Variants in ERCC6 observed in about 807,000 individuals in gnomAD.
ERCC6 encodes DNA excision repair protein ERCC-6.
In ERCC6, 116 loss-of-function variants were observed where a neutral mutation model predicts 158.7. The observed-to-expected ratio is 0.73, with a 90% CI of 0.63 to 0.85. The LOEUF (loss-of-function observed/expected upper bound fraction) is 0.85, where lower values mean the gene tolerates loss of function less well. Ranked by LOEUF, ERCC6 falls within the 40% of genes least tolerant of loss-of-function variation. ERCC6 has a pLI of 0.00. For synonymous variants in ERCC6, 678 were observed against 659.3 expected (o/e 1.03, Z -0.43); for missense variants, 1,698 against 1,799.4 (o/e 0.94, Z 1.02).
Position 49,483,424 on chromosome 10 carries a change from A to C in ERCC6, c.1914T>G (p.Tyr638Ter). The C allele has an allele frequency of 6.2e-7, 1 of 1,614,186 alleles. No homozygotes were observed. The highest frequency in any genetic ancestry group is 8.5e-7 in the Non-Finnish European group (1 of 1,180,004). ...IRLMQDDISR[Y>*]DWHYVILDEG... ...CGTCCAAGATCACATAGTGCCAGTC[A>C]TACCTGCTAATGTCATCCTGCATCA... Residue 638 changes from tyrosine to a stop codon, truncating the protein, a stop_gained, in exon 9 of 21, where the codon TAT becomes TAG. Coordinates refer to ENST00000355832, the MANE Select transcript of ERCC6 (RefSeq NM_000124.4). LOFTEE classifies it high-confidence loss of function.
chr10:49,532,954 T>C lies in ERCC6; in HGVS notation c.11A>G (p.Glu4Gly). 6.2e-7 allele frequency: 1 copy of C among 1,614,214 alleles called. No individual in the cohort carries two copies. The highest frequency in any genetic ancestry group is 8.5e-7 in the Non-Finnish European group (1 of 1,180,042). Reference protein sequence around the residue: MPNEGIPHSSQTQE... With the variant: MPNGGIPHSSQTQE... ...AGTTTGACTTGAGTGGGGGATTCCC[T>C]CATTTGGCATTCTCTACAGACTACC... The change falls in exon 2 of 21, where the codon GAG becomes GGG. Residue 4 changes from glutamate to glycine, a missense_variant. Physicochemically the swap from Glu to Gly is moderately conservative, Grantham distance 98. Coordinates refer to ENST00000355832, the MANE Select transcript of ERCC6 (RefSeq NM_000124.4).
At chr10:49,474,384 T>G (rs1481907093) in intron 12 of ERCC6, 142 bp from the exon 13 acceptor site, 1 of 682,756 alleles carries the variant, frequency 1.5e-6, no homozygotes, top group Non-Finnish European at 2.6e-6. Flanking sequence ...GTCACAGCAT[T>G]ATCATGAGCT....
chr10:49,508,017 T>C (rs1851473572), intron 5 of ERCC6, among the ~76,000 whole-genome samples: 1 of 151,912 alleles, frequency 6.6e-6, no homozygotes, highest in African/African-American at 2.4e-5. Context: ...CACTCTGAAA[T>C]TCAGCAGTCG....
intron 16 of ERCC6, among the ~76,000 whole-genome samples, chr10:49,471,951 T>C (rs1292372521): frequency 1.3e-5 from 2 of 152,206 alleles, no homozygotes; most frequent in Non-Finnish European, 2.9e-5. Flanking sequence ...GACTTCTTTG[T>C]AAGGGGCATC....
In ERCC6 at chr10:49,516,930, G is replaced by A. The variant is rs756554927; in HGVS notation, c.1397+7103C>T. The A allele has an allele frequency of 2.5e-6, 4 of 1,613,940 alleles. No homozygotes were observed. The highest frequency in any genetic ancestry group is 1.7e-5 in the Admixed American group (1 of 59,990). ...ATCAGAGCCATCTTGAATAAGATAC[G>A]CAGCTGTGTGCAACAAAGAACCTGG... On this transcript the variant is annotated intron_variant, in intron 5 of 20. Coordinates refer to ENST00000355832, the MANE Select transcript of ERCC6 (RefSeq NM_000124.4).
chr10:49,493,138 G>A lies in ERCC6; in HGVS notation c.1800C>T (p.Thr600=), dbSNP rs112314975. The A allele has an allele frequency of 1.4e-4, 231 of 1,613,956 alleles. 3 individuals are homozygous for A. In the South Asian group the frequency reaches 2.2e-3, roughly 16 times the overall value. Residue 600 remains threonine, a synonymous_variant, in exon 8 of 21, where the codon ACC becomes ACT. Coordinates refer to ENST00000355832, the MANE Select transcript of ERCC6 (RefSeq NM_000124.4). ...PPFRVAILHE[T]GSYTHKKEKL... ...TTACCTTTTTGTGGGTATAGGAACC[G>A]GTTTCATGTAGAATTGCCACTCTGA... is the stretch of plus-strand genomic sequence containing the variant.
chr10:49,479,056 G>A (rs1157713189), intron 10 of ERCC6, among the ~76,000 whole-genome samples: 3 of 151,810 alleles, frequency 2.0e-5, no homozygotes, highest in African/African-American at 7.3e-5. Flanking sequence ...CTAAAATGCA[G>A]CATATGGTTC....
chr10:49,480,499 C>T (rs1215005600), intron 10 of ERCC6, among the ~76,000 whole-genome samples: 2 of 152,178 alleles, frequency 1.3e-5, no homozygotes, highest in Non-Finnish European at 2.9e-5. Context: ...ACAACCAATA[C>T]TCTGCTTCCA....
At chr10:49,498,999 CTTATTTGAAACAGAAAAAGCATT>C (rs1286203883) in intron 7 of ERCC6, among the ~76,000 whole-genome samples, 9 of 152,078 alleles carry the variant, frequency 5.9e-5, no homozygotes, top group Non-Finnish European at 1.3e-4. Flanking sequence ...AACCAAAGAG[CTTATTTGAAACAGAAAAAGCATT>C]TTATTTGAAA....
intron 6 of ERCC6, 41 bp downstream of exon 6, chr10:49,505,843 G>T (rs1436400168): frequency 1.2e-6 from 2 of 1,610,240 alleles, no homozygotes; most frequent in South Asian, 1.1e-5. Flanking sequence ...GTACATAATG[G>T]CTTGATAGCA....
rs1429226743 is a variant in ERCC6 at position 49,537,314 on chromosome 10, G to A, written c.-15+1648C>T. 3.4e-5 allele frequency among the ~76,000 whole-genome samples: 5 copies of A among 145,674 alleles called. No individual in the cohort carries two copies. The Admixed American group carries it at 3.5e-4, about 10-fold the overall frequency. ...AGCGAGATCGCACCACTGCACTCCA[G>A]CCTGGGCGACAGGGCAAGACTCCGT... On this transcript the variant is annotated intron_variant, in intron 1 of 20. Transcript: ENST00000355832.
At chr10:49,485,310 A>G (rs1367627063) in intron 8 of ERCC6, among the ~76,000 whole-genome samples, 1 of 152,212 alleles carries the variant, frequency 6.6e-6, no homozygotes, top group Non-Finnish European at 1.5e-5. Flanking sequence ...CGAACGGAGA[A>G]AGGCAGCCAA....
At chr10:49,462,084 ACAGAT>A (rs1161206715) in intron 18 of ERCC6, among the ~76,000 whole-genome samples, 5 of 152,232 alleles carry the variant, frequency 3.3e-5, no homozygotes, top group Admixed American at 3.3e-4. Context: ...ACCTTCATGA[ACAGAT>A]CAGAAAACAC....
chr10:49,458,694 T>TCATG lies in ERCC6; in HGVS notation c.*117_*120dup. On this transcript the variant is annotated 3_prime_UTR_variant, in exon 21 of 21. Coordinates refer to ENST00000355832, the MANE Select transcript of ERCC6 (RefSeq NM_000124.4). ...TAAAGTTTTAATTCTGAGGTAGACA[T>TCATG]CATGCAAACAAACATCAAGTGCAGC... is the stretch of plus-strand genomic sequence containing the variant. The TCATG allele has an allele frequency of 1.1e-6, 1 of 942,628 alleles. No individual in the cohort carries two copies. Among genetic ancestry groups the TCATG allele is most frequent in the East Asian group, 2.6e-5 (1 of 38,522 alleles). The allele number at this position is 942,628 out of a possible 1,614,324, so 58.4% of individuals were successfully genotyped here.
At chr10:49,530,543 A>C (rs1328824322) in intron 3 of ERCC6, among the ~76,000 whole-genome samples, 177 bp downstream of exon 3, 5 of 152,148 alleles carry the variant, frequency 3.3e-5, no homozygotes, top group African/African-American at 4.8e-5. Flanking sequence ...ATAGAATGGG[A>C]TGTTAAAGGA....
Position 49,528,521 on chromosome 10 carries a change from T to A in ERCC6, c.548A>T (p.Gln183Leu). The A allele has an allele frequency of 6.2e-7, 1 of 1,614,210 alleles. No homozygotes were observed. The highest frequency in any genetic ancestry group is 1.6e-4 in the Middle Eastern group (1 of 6,062). Reference sequence around the variant, plus strand: ...TTTTGCAGTGATCTTTTTTAGCTGTTGTTCCTTGAATGGTAAATATAGAAG... The same window carrying A: ...TTTTGCAGTGATCTTTTTTAGCTGTAGTTCCTTGAATGGTAAATATAGAAG... ...SVKRQKYNKE[Q>L]QLKKITAKQK... Residue 183 changes from glutamine to leucine, a missense_variant, in exon 4 of 21, where the codon CAA becomes CTA. By Grantham distance (113) the Gln-to-Leu change is moderately radical. Transcript: ENST00000355832.
At position 49,454,713 on chromosome 10, in the gene ERCC6, A is replaced by G. The variant is rs1329815815; in HGVS notation, c.*4102T>C. ...TTTAACTGTGTACTTTACTACACCA[A>G]GAAAAGCTATACAATTATATCAATA... On this transcript the variant is annotated 3_prime_UTR_variant, in exon 21 of 21. Transcript: ENST00000355832. 6.6e-6 allele frequency among the ~76,000 whole-genome samples: 1 copy of G among 152,230 alleles called. No individual in the cohort carries two copies. The highest frequency in any genetic ancestry group is 1.5e-5 in the Non-Finnish European group (1 of 68,042).
Position 49,470,196 on chromosome 10 carries a change from A to T in ERCC6, c.3764T>A (p.Leu1255His), listed in dbSNP as rs1464826740. Residue 1255 changes from leucine (L) to histidine (H), a missense_variant, in exon 18 of 21, where the codon CTT (leucine) becomes CAT (histidine). Physicochemically the swap from Leu to His is moderately conservative, Grantham distance 99 (BLOSUM62 -3). Transcript: ENST00000355832. Reference sequence around the variant, plus strand: ...AAATGGATTACCTGATTTTTTGAAAAGCTTTTCCAAAACATAATCGTCATT... The same window carrying T: ...AAATGGATTACCTGATTTTTTGAAATGCTTTTCCAAAACATAATCGTCATT... ...QSNDDYVLEK[L>H]FKKSVGVHSV... The T allele has an allele frequency of 3.1e-6, 5 of 1,614,010 alleles. No homozygotes were observed. Among genetic ancestry groups the T allele is most frequent in the Non-Finnish European group, 4.2e-6 (5 of 1,180,010 alleles).
chr10:49,504,536 T>C (rs1215295831), intron 6 of ERCC6: 1 of 152,158 alleles, frequency 6.6e-6, no homozygotes, highest in Non-Finnish European at 1.5e-5. Flanking sequence ...TTACTACAAA[T>C]ACACAGAAGT....
Sources: gnomAD v4.1 joint callset for allele counts (sites outside exome capture counted in the v4.1 genomes callset) on GRCh38, gnomAD v4.1.1 for gene constraint, MANE v1.5 for transcripts, NCBI Gene and HGNC (gene_info 2026-07-23, HGNC 2026-07-21) for gene names.